Variants in DOCK3 observed in about 807,000 individuals in gnomAD.
DOCK3 encodes dedicator of cytokinesis protein 3.
In DOCK3, 60 loss-of-function variants were observed where a neutral mutation model predicts 265.6. The ratio of observed to expected loss-of-function variants is 0.23; its 90% confidence interval spans 0.18 to 0.28. The LOEUF is 0.28. Among genes scored for constraint, DOCK3 ranks in the 10% least tolerant of loss-of-function variants. The pLI is 1.00. For synonymous variants in DOCK3, 881 were observed against 938.0 expected (o/e 0.94, Z 1.11); for missense variants, 1,981 against 2,594.3 (o/e 0.76, Z 5.14).
chr3:51,056,511 G>A (rs1281458695), intron 5 of DOCK3, among the ~76,000 whole-genome samples: 2 of 152,190 alleles, frequency 1.3e-5, no homozygotes. Context: ...GCTTCCCAAA[G>A]TGCTGGGATT....
chr3:51,151,110 A>T (rs187173631), intron 10 of DOCK3, among the ~76,000 whole-genome samples: 65 of 150,092 alleles, frequency 4.3e-4, no homozygotes, highest in Admixed American at 9.3e-4. Flanking sequence ...AGTCTGCCTT[A>T]TCAGAGACTA....
intron 21 of DOCK3, 79 bp downstream of exon 21, chr3:51,237,669 G>T: frequency 7.9e-7 from 1 of 1,273,682 alleles, no homozygotes. Flanking sequence ...GCTGCAACCA[G>T]CATTTAAAAA....
chr3:51,128,564 G>A (rs979599780), intron 9 of DOCK3, among the ~76,000 whole-genome samples: 1 of 152,196 alleles, frequency 6.6e-6, no homozygotes, highest in Admixed American at 6.5e-5. Flanking sequence ...GTCCATGGAT[G>A]GTAGTCTTGG....
intron 21 of DOCK3, 37 bp from the exon 22 acceptor site, chr3:51,246,689 A>G: frequency 6.3e-7 from 1 of 1,589,830 alleles, no homozygotes; most frequent in Non-Finnish European, 8.6e-7. Flanking sequence ...TTACTTTTGA[A>G]TTAAAGTGGG....
chr3:51,277,553 CTGT>C, intron 25 of DOCK3, 52 bp from the exon 26 acceptor site: 1 of 1,489,710 alleles, frequency 6.7e-7, no homozygotes, highest in African/African-American at 1.4e-5. Context: ...GTGCTGCCAG[CTGT>C]ACTTCAGCCT....
chr3:50,778,882 A>C, intron 2 of DOCK3, 124 bp downstream of exon 2: 1 of 611,120 alleles, frequency 1.6e-6, no homozygotes, highest in Non-Finnish European at 2.6e-6. Context: ...ATGATGAAAT[A>C]GTGTTATATA....
At chr3:51,198,647 G>T (rs928657791) in intron 12 of DOCK3, among the ~76,000 whole-genome samples, 1 of 151,392 alleles carries the variant, frequency 6.6e-6, no homozygotes, top group Non-Finnish European at 1.5e-5. Flanking sequence ...TACAATCTGT[G>T]TGCATTTCTG....
chr3:50,993,061 A>C (rs1337776962), intron 5 of DOCK3, among the ~76,000 whole-genome samples: 4 of 152,192 alleles, frequency 2.6e-5, no homozygotes, highest in Admixed American at 2.6e-4. Flanking sequence ...TTAGCAATAG[A>C]CCATCTCCTC....
At chr3:50,702,856 C>T (rs1354940654) in intron 1 of DOCK3, among the ~76,000 whole-genome samples, 1 of 151,854 alleles carries the variant, frequency 6.6e-6, no homozygotes, top group Non-Finnish European at 1.5e-5. Context: ...CCTGATTGCT[C>T]TAGCTAGGAT....
rs114563188 is a variant in DOCK3 at position 50,796,008 on chromosome 3, G to C, written c.121+17250G>C. ...TTTCTGTCATTTTAGCCATCTGAGC[G>C]CCATTGGGAACCCTTTCTGGAGAGG... On this transcript the variant is annotated intron_variant, in intron 2 of 52. Coordinates refer to ENST00000266037, the MANE Select transcript of DOCK3 (RefSeq NM_004947.5). Among the ~76,000 whole-genome samples the C allele has an allele frequency of 4.5e-3, 678 of 151,336 alleles. 2 individuals carry two copies. The highest frequency in any genetic ancestry group is 0.01 in the Middle Eastern group (3 of 288).
chr3:50,911,553 C>T (rs2049854347), intron 4 of DOCK3, among the ~76,000 whole-genome samples: 1 of 152,002 alleles, frequency 6.6e-6, no homozygotes. Context: ...GTTTTGGTTA[C>T]TGTGGCTTTT....
intron 5 of DOCK3, among the ~76,000 whole-genome samples, chr3:51,000,064 C>T (rs1274075384): frequency 1.3e-5 from 2 of 152,160 alleles, no homozygotes; most frequent in Non-Finnish European, 2.9e-5. Flanking sequence ...CTGGCCTTTT[C>T]TTAGCATGTA....
At chr3:51,171,842 A>G (rs1411743070) in intron 12 of DOCK3, among the ~76,000 whole-genome samples, 1 of 152,090 alleles carries the variant, frequency 6.6e-6, no homozygotes, top group African/African-American at 2.4e-5. Context: ...TGTTAGATCC[A>G]CTTGGTTTAC....
chr3:51,194,248 C>T (rs1013398844), intron 12 of DOCK3, among the ~76,000 whole-genome samples: 4 of 151,926 alleles, frequency 2.6e-5, no homozygotes, highest in Non-Finnish European at 5.9e-5. Context: ...TAGTTTTATT[C>T]CATTGTGGTT....
intron 21 of DOCK3, 60 bp from the exon 22 acceptor site, chr3:51,246,666 G>A: frequency 6.7e-7 from 1 of 1,499,564 alleles, no homozygotes. Flanking sequence ...GGCTACAGAT[G>A]TTTCAAGCTG....
chr3:50,788,255 G>A (rs1987275), intron 2 of DOCK3: 2 of 661,298 alleles, frequency 3.0e-6, no homozygotes, highest in South Asian at 8.3e-5. Context: ...TTTTCAACCA[G>A]CTCCTGACGA....
chr3:50,936,146 T>C (rs2051347179), intron 5 of DOCK3, among the ~76,000 whole-genome samples: 1 of 151,938 alleles, frequency 6.6e-6, no homozygotes, highest in African/African-American at 2.4e-5. Context: ...CTGAAATCTA[T>C]AATAACCAAA....
chr3:50,719,157 C>T (rs942608967), intron 1 of DOCK3, among the ~76,000 whole-genome samples: 1 of 151,236 alleles, frequency 6.6e-6, no homozygotes, highest in East Asian at 1.9e-4. Flanking sequence ...TTCTTGTATT[C>T]TCTTTTTTTT....
intron 9 of DOCK3, among the ~76,000 whole-genome samples, chr3:51,105,131 G>T (rs1329931130): frequency 1.3e-5 from 2 of 152,304 alleles, no homozygotes; most frequent in East Asian, 3.9e-4. Context: ...ACAAGCATTT[G>T]ATGTTGTTAT....
Sources: gnomAD v4.1 joint callset for allele counts (sites outside exome capture counted in the v4.1 genomes callset) on GRCh38, gnomAD v4.1.1 for gene constraint, MANE v1.5 for transcripts, NCBI Gene and HGNC (gene_info 2026-07-23, HGNC 2026-07-21) for gene names.